CACNB2: variants seen among roughly 807,000 people sequenced by gnomAD.
CACNB2 encodes the protein calcium voltage-gated channel auxiliary subunit beta 2, also known as voltage-dependent L-type calcium channel subunit beta-2.
In CACNB2, 42 loss-of-function variants were observed where a neutral mutation model predicts 73.3. That is an observed-to-expected ratio of 0.57 (90% confidence interval 0.45 to 0.74). CACNB2 has a LOEUF of 0.74. CACNB2 is among the 30% of genes least tolerant of loss of function. The pLI is 0.00. For missense variants in CACNB2, 940 were observed against 853.0 expected, an observed-to-expected ratio of 1.10 and a Z score of -1.27; for synonymous variants, 348 against 310.3, an observed-to-expected ratio of 1.12 and a Z score of -1.28.
chr10:18,313,310 G>A lies in CACNB2; in HGVS notation c.214-88614G>A, dbSNP rs187555053. On this transcript the variant is annotated intron_variant, in intron 2 of 13. Coordinates refer to ENST00000324631, the MANE Select transcript of CACNB2 (RefSeq NM_201596.3). ...GTGGCCATTTGGGGCTGGATATCTC[G>A]TTGCCGTGGAGCCGTCGCGTGCATG... Among the ~76,000 whole-genome samples, 65 of 149,438 alleles carry A rather than the reference G, an allele frequency of 4.3e-4. 2 individuals carry two copies. The highest frequency in any genetic ancestry group is 3.9e-3 in the Admixed American group (58 of 14,782).
At chr10:18,397,753 G>T (rs1420004255) in intron 2 of CACNB2, among the ~76,000 whole-genome samples, 1 of 142,408 alleles carries the variant, frequency 7.0e-6, no homozygotes, top group Non-Finnish European at 1.5e-5. Flanking sequence ...AGTGGAAAAA[G>T]AAATTGAAGA....
At chr10:18,365,600 G>A (rs1391482236) in intron 2 of CACNB2, among the ~76,000 whole-genome samples, 1 of 151,856 alleles carries the variant, frequency 6.6e-6, no homozygotes, top group Non-Finnish European at 1.5e-5. Context: ...TCCTGTCCTT[G>A]TACTACAAGG....
At chr10:18,475,764 A>G (rs943153353) in intron 3 of CACNB2, among the ~76,000 whole-genome samples, 3 of 152,200 alleles carry the variant, frequency 2.0e-5, no homozygotes, top group African/African-American at 7.2e-5. Flanking sequence ...CACTGTGCTG[A>G]GAGCTTTGTG....
At chr10:18,227,708 T>C (rs2036051303) in intron 2 of CACNB2, among the ~76,000 whole-genome samples, 1 of 152,114 alleles carries the variant, frequency 6.6e-6, no homozygotes, top group Non-Finnish European at 1.5e-5. Flanking sequence ...GAGTATGCGC[T>C]CCAGCAAGGT....
intron 2 of CACNB2, among the ~76,000 whole-genome samples, chr10:18,318,437 A>T (rs1431804977): frequency 2.6e-5 from 4 of 152,236 alleles, no homozygotes; most frequent in Non-Finnish European, 4.4e-5. Flanking sequence ...GAAAACTGAA[A>T]CAGGATCCCT....
intron 3 of CACNB2, among the ~76,000 whole-genome samples, chr10:18,410,187 A>G (rs1185199661): frequency 1.3e-5 from 2 of 151,486 alleles, no homozygotes; most frequent in Non-Finnish European, 2.9e-5. Flanking sequence ...AACACTTTCT[A>G]CTCTGCTAGT....
At chr10:18,280,885 C>T (rs1368821081) in intron 2 of CACNB2, among the ~76,000 whole-genome samples, 1 of 152,146 alleles carries the variant, frequency 6.6e-6, no homozygotes, top group Non-Finnish European at 1.5e-5. Context: ...GGGTATGAAC[C>T]ACTGTGTGCT....
At chr10:18,479,063 A>T (rs1034696392) in intron 3 of CACNB2, among the ~76,000 whole-genome samples, 2 of 151,996 alleles carry the variant, frequency 1.3e-5, no homozygotes, top group African/African-American at 2.4e-5. Context: ...GTATCTAATT[A>T]AAAAAAAGAA....
At chr10:18,518,857 T>C (rs1564643983) in intron 8 of CACNB2, 53 bp from the exon 9 acceptor site, 1 of 1,473,252 alleles carries the variant, frequency 6.8e-7, no homozygotes, top group Admixed American at 1.7e-5. Flanking sequence ...TGTTTTATCA[T>C]CGTTAGTAAT....
At chr10:18,438,324 C>CT (rs2046252436) in intron 3 of CACNB2, among the ~76,000 whole-genome samples, 2 of 152,036 alleles carry the variant, frequency 1.3e-5, no homozygotes, top group African/African-American at 4.8e-5. Flanking sequence ...CCACCGCGCC[C>CT]TGCCCCCAGT....
chr10:18,333,144 A>T (rs181583926), intron 2 of CACNB2, among the ~76,000 whole-genome samples: 2 of 152,184 alleles, frequency 1.3e-5, no homozygotes, highest in East Asian at 3.9e-4. Flanking sequence ...AGCGATAGGG[A>T]TGGGGGGATG....
intron 2 of CACNB2, among the ~76,000 whole-genome samples, chr10:18,389,142 G>GT (rs907723976): frequency 1.1e-4 from 16 of 152,086 alleles, no homozygotes; most frequent in African/African-American, 3.9e-4. Flanking sequence ...TTCTGTTACT[G>GT]TTTTTGTTTT....
chr10:18,307,982 A>ATTTTTTTTTTTT (rs1564423318), intron 2 of CACNB2, among the ~76,000 whole-genome samples: 3 of 52,670 alleles, frequency 5.7e-5, no homozygotes, highest in African/African-American at 2.7e-4. Flanking sequence ...ATATATGCCA[A>ATTTTTTTTTTTT]CTTTTTTTTT....
At chr10:18,433,135 A>G (rs1216130294) in intron 3 of CACNB2, among the ~76,000 whole-genome samples, 1 of 151,930 alleles carries the variant, frequency 6.6e-6, no homozygotes, top group Non-Finnish European at 1.5e-5. Flanking sequence ...ATATATATAT[A>G]TATATATATT....
intron 2 of CACNB2, among the ~76,000 whole-genome samples, chr10:18,264,035 T>C (rs1290600418): frequency 6.6e-6 from 1 of 152,258 alleles, no homozygotes; most frequent in East Asian, 1.9e-4. Flanking sequence ...ATCTGTGAGC[T>C]GAATAAATAC....
rs576835457 is a variant in CACNB2 at position 18,443,948 on chromosome 10, C to T, written c.333+41905C>T. On this transcript the variant is annotated intron_variant, in intron 3 of 13. Coordinates refer to ENST00000324631, the MANE Select transcript of CACNB2 (RefSeq NM_201596.3). Reference sequence around the variant, plus strand: ...CAGACTAGTCTTGAATGCCTAACCTCGAGCAATCCGCCCGCCTTGGCCTCC... The same window carrying T: ...CAGACTAGTCTTGAATGCCTAACCTTGAGCAATCCGCCCGCCTTGGCCTCC... Among the ~76,000 whole-genome samples the T allele has an allele frequency of 7.2e-5, 11 of 152,238 alleles. No homozygotes were observed. In the East Asian group the frequency reaches 1.4e-3, roughly 19 times the overall value.
chr10:18,509,832 GCTCT>G (rs948000133), intron 6 of CACNB2, among the ~76,000 whole-genome samples: 19 of 152,046 alleles, frequency 1.2e-4, no homozygotes, highest in Non-Finnish European at 1.8e-4. Context: ...TGTTCCCAAG[GCTCT>G]CTATCACTAA....
chr10:18,500,060 A>G (rs2133030931), intron 4 of CACNB2, among the ~76,000 whole-genome samples: 1 of 152,318 alleles, frequency 6.6e-6, no homozygotes, highest in East Asian at 1.9e-4. Context: ...GGTGGGAACA[A>G]TAGAAAAAGT....
chr10:18,159,558 A>G (rs905243844), intron 2 of CACNB2, among the ~76,000 whole-genome samples: 8 of 152,196 alleles, frequency 5.3e-5, no homozygotes, highest in Non-Finnish European at 1.0e-4. Context: ...AGGTTGCATG[A>G]CACTTTCAGA....
Sources: gnomAD v4.1 joint callset for allele counts (sites outside exome capture counted in the v4.1 genomes callset) on GRCh38, gnomAD v4.1.1 for gene constraint, MANE v1.5 for transcripts, NCBI Gene and HGNC (gene_info 2026-07-23, HGNC 2026-07-21) for gene names.